NFILZ: variants seen among roughly 807,000 people sequenced by gnomAD.
NFILZ encodes NFIL3 like protein.
At chr19:8,645,319 T>TA (rs2042934619) in intron 3 of NFILZ, among the ~76,000 whole-genome samples, 1 of 147,010 alleles carries the variant, frequency 6.8e-6, no homozygotes, top group Non-Finnish European at 1.5e-5. Flanking sequence ...TTTTTTTTTT[T>TA]AAGATATGGG....
At chr19:8,653,488 C>G (rs1333759783) in intron 3 of NFILZ, among the ~76,000 whole-genome samples, 3 of 152,058 alleles carry the variant, frequency 2.0e-5, no homozygotes, top group Non-Finnish European at 2.9e-5. Context: ...TCAAATACAC[C>G]AGGAACGCTG....
At chr19:8,656,330 C>A (rs1444230665) in intron 3 of NFILZ, among the ~76,000 whole-genome samples, 5,701 of 23,436 alleles carry the variant, frequency 0.24, 989 homozygotes, top group Non-Finnish European at 0.32. Flanking sequence ...CCTGAAGCCC[C>A]CTTCTTCCTG....
In NFILZ at chr19:8,661,841, C is replaced by T. The variant is rs540766749; in HGVS notation, c.-163-12710C>T. ...CAGAGGTTGCAGCAAGCAGAGATCGCGCCACTGTAATCCAGCCTGGGCGAC... is the reference window on the plus strand; with the variant it reads ...CAGAGGTTGCAGCAAGCAGAGATCGTGCCACTGTAATCCAGCCTGGGCGAC... On this transcript the variant is annotated intron_variant, in intron 3 of 5. Transcript: ENST00000691075. 7.9e-5 allele frequency among the ~76,000 whole-genome samples: 12 copies of T among 152,098 alleles called. No individual in the cohort carries two copies. The East Asian group carries it at 1.5e-3, about 20-fold the overall frequency.
At position 8,678,123 on chromosome 19, in the gene NFILZ, ATCCC is replaced by A. The variant is rs781840074; in HGVS notation, c.*492_*495del. On this transcript the variant is annotated 3_prime_UTR_variant, in exon 6 of 6. Coordinates refer to ENST00000691075, the MANE Select transcript of NFILZ (RefSeq NM_001378600.1). ...CATCCATCCATCCATCCATCCATCC[ATCCC>A]TCCATCCATTCATCCACTTGTCCGT... 1.4e-5 allele frequency among the ~76,000 whole-genome samples: 2 copies of A among 147,662 alleles called. No homozygotes were observed. The highest frequency in any genetic ancestry group is 2.5e-5 in the African/African-American group (1 of 39,916).
intron 3 of NFILZ, among the ~76,000 whole-genome samples, chr19:8,657,679 C>T (rs782349685): frequency 7.2e-5 from 11 of 152,106 alleles, no homozygotes; most frequent in Non-Finnish European, 1.3e-4. Flanking sequence ...CCCTCCACAC[C>T]GTGCTTTCAT....
intron 3 of NFILZ, among the ~76,000 whole-genome samples, chr19:8,664,795 T>C (rs995890808): frequency 1.3e-5 from 2 of 151,984 alleles, no homozygotes; most frequent in African/African-American, 4.8e-5. Flanking sequence ...AGCAATTTCC[T>C]CATCTCAGGC....
chr19:8,645,465 T>C (rs2042935374), intron 3 of NFILZ, among the ~76,000 whole-genome samples: 2 of 152,080 alleles, frequency 1.3e-5, no homozygotes, highest in African/African-American at 4.8e-5. Flanking sequence ...CTGATCATGT[T>C]GTCCCCAGCC....
chr19:8,641,811 T>C (rs2042920435), intron 3 of NFILZ, among the ~76,000 whole-genome samples: 1 of 150,166 alleles, frequency 6.7e-6, no homozygotes, highest in Non-Finnish European at 1.5e-5. Context: ...TTAGAACCAA[T>C]GCCTTAATAA....
chr19:8,653,038 T>TTCTTTCTCTCTCCCTCTCTCTC (rs1555747925), intron 3 of NFILZ, among the ~76,000 whole-genome samples: 12 of 90,586 alleles, frequency 1.3e-4, no homozygotes, highest in African/African-American at 1.4e-4. Flanking sequence ...CTTTCTTTCT[T>TTCTTTCTCTCTCCCTCTCTCTC]TCTCTCTCTC....
At chr19:8,671,212 G>A (rs1255049857) in intron 3 of NFILZ, among the ~76,000 whole-genome samples, 1 of 152,096 alleles carries the variant, frequency 6.6e-6, no homozygotes, top group African/African-American at 2.4e-5. Flanking sequence ...CTCTGAGAGA[G>A]ACCCTTTTCC....
rs1162319779 is a variant in NFILZ, at chr19:8,632,598, G to T, written c.-288G>T. On this transcript the variant is annotated 5_prime_UTR_variant, in exon 2 of 6. Transcript: ENST00000691075. ...ACAGATGCCATGGCAACATCAGGAA[G>T]TTACCCTCTATGCTCTAAAAACGGG... 6.6e-6 allele frequency: 1 copy of T among 152,078 alleles called. No individual in the cohort carries two copies. The highest frequency in any genetic ancestry group is 6.6e-5 in the Admixed American group (1 of 15,260). The allele number at this position is 152,078 out of a possible 1,614,324, so 9.4% of individuals were successfully genotyped here. A position where few individuals can be genotyped will look rare whatever the true frequency, so the allele number is the denominator to read the frequency against.
chr19:8,654,533 T>A (rs1453465883), intron 3 of NFILZ, among the ~76,000 whole-genome samples: 1 of 151,938 alleles, frequency 6.6e-6, no homozygotes, highest in African/African-American at 2.4e-5. Context: ...GAAGATCACT[T>A]GAGCCCAGGA....
chr19:8,651,562 C>T (rs1309385244), intron 3 of NFILZ, among the ~76,000 whole-genome samples: 2 of 144,618 alleles, frequency 1.4e-5, no homozygotes, highest in Admixed American at 6.8e-5. Context: ...GACAGGGTCT[C>T]GCTCTGTTGC....
intron 3 of NFILZ, among the ~76,000 whole-genome samples, chr19:8,663,736 G>GTT (rs782229587): frequency 2.3e-4 from 31 of 136,144 alleles, no homozygotes; most frequent in African/African-American, 7.6e-4. Flanking sequence ...GTGTGTGTGT[G>GTT]TGTGTGTGTG....
chr19:8,662,153 C>G (rs2043034373), intron 3 of NFILZ, among the ~76,000 whole-genome samples: 1 of 150,810 alleles, frequency 6.6e-6, no homozygotes. Flanking sequence ...TGCAGTGAGC[C>G]ATGATTGCAC....
intron 3 of NFILZ, among the ~76,000 whole-genome samples, chr19:8,671,154 C>A (rs1415777236): frequency 6.6e-6 from 1 of 152,114 alleles, no homozygotes; most frequent in East Asian, 1.9e-4. Context: ...GTCAAGGCAG[C>A]TGCGGAGGCT....
At chr19:8,658,541 G>T (rs1376008725) in intron 3 of NFILZ, among the ~76,000 whole-genome samples, 1 of 152,142 alleles carries the variant, frequency 6.6e-6, no homozygotes, top group Non-Finnish European at 1.5e-5. Flanking sequence ...AGAGTGGGAG[G>T]CTGCCTGGGG....
chr19:8,656,467 GCCCACCTT>G (rs2043002042), intron 3 of NFILZ, among the ~76,000 whole-genome samples: 1 of 37,176 alleles, frequency 2.7e-5, no homozygotes, highest in African/African-American at 1.2e-4. Flanking sequence ...TCTCTCTGAA[GCCCACCTT>G]CTCCCGCAGC....
At position 8,674,569 on chromosome 19, in the gene NFILZ, A is replaced by G. The variant is rs2043102707; in HGVS notation, c.-145A>G. Among the ~76,000 whole-genome samples, 1 of 151,058 alleles carries G rather than the reference A, an allele frequency of 6.6e-6. No homozygotes were observed. The highest frequency in any genetic ancestry group is 2.1e-4 in the South Asian group (1 of 4,798). On this transcript the variant is annotated 5_prime_UTR_variant, in exon 4 of 6. The change abolishes an upstream ATG in the 5' untranslated region. Transcript: ENST00000691075. ...TTTGCAGGATTTCTCAGAGCCTTCAATGTACTTTGTGATTCTCCTATAAGG... is the reference window on the plus strand; with the variant it reads ...TTTGCAGGATTTCTCAGAGCCTTCAGTGTACTTTGTGATTCTCCTATAAGG...
Sources: allele counts gnomAD v4.1 joint callset (sites outside exome capture counted in the v4.1 genomes callset), GRCh38; gene constraint gnomAD v4.1.1; transcripts MANE v1.5; gene names NCBI Gene and HGNC (gene_info 2026-07-23, HGNC 2026-07-21).